The following MLPH variants were observed in gnomAD, a reference collection of about 807,000 sequenced individuals.
MLPH encodes the protein exophilin-3.
MLPH carries 51 observed loss-of-function variants against 72.1 expected under a neutral mutation model. That is an observed-to-expected ratio of 0.71 (90% CI 0.56 to 0.89). MLPH has a LOEUF of 0.89. Among genes scored for constraint, MLPH ranks in the 40% least tolerant of loss-of-function variants. The probability of loss-of-function intolerance (pLI) is 0.00; values close to 1 mark genes in which losing one functional copy is unlikely to be tolerated. For synonymous variants in MLPH, 301 were observed against 310.1 expected (o/e 0.97, Z 0.31); for missense variants, 743 against 759.9 (o/e 0.98, Z 0.26).
chr2:237,507,155 C>G (rs1303821298), intron 2 of MLPH: 1 of 150,004 alleles, frequency 6.7e-6, no homozygotes, highest in African/African-American at 2.5e-5. Context: ...CAACCTCCAC[C>G]TCCTAGGTTC....
At chr2:237,494,182 G>A (rs530612073) in intron 2 of MLPH, among the ~76,000 whole-genome samples, 2 of 152,160 alleles carry the variant, frequency 1.3e-5, no homozygotes, top group South Asian at 2.1e-4. Flanking sequence ...CCCGGCGAAG[G>A]GGGGGGCAGA....
Position 237,505,561 on chromosome 2 carries a change from G to C in MLPH, c.111-5013G>C, listed in dbSNP as rs1047974593. On this transcript the variant is annotated intron_variant, in intron 2 of 15. Coordinates refer to ENST00000264605, the MANE Select transcript of MLPH (RefSeq NM_024101.7). This position sits in a 1 kb window ranked among gnomAD's most constrained non-coding sequence, Gnocchi z 4.5. The stretch of plus-strand genomic sequence containing the variant: ...GCCTTCAGGGGTGGCCACCAGCCCC[G>C]CCATCCTGGGCTCTCCCCAGTATTC... Among the ~76,000 whole-genome samples the C allele has an allele frequency of 2.0e-5, 3 of 152,112 alleles. No homozygotes were observed. Among genetic ancestry groups the C allele is most frequent in the Non-Finnish European group, 4.4e-5 (3 of 68,016 alleles).
chr2:237,516,383 G>T (rs575762565), intron 4 of MLPH, among the ~76,000 whole-genome samples: 2 of 152,308 alleles, frequency 1.3e-5, no homozygotes, highest in East Asian at 3.9e-4. Context: ...AAGGAGCCCT[G>T]GGGGGCAGAG....
At chr2:237,508,879 C>A (rs928451731) in intron 2 of MLPH, among the ~76,000 whole-genome samples, 14 of 152,232 alleles carry the variant, frequency 9.2e-5, no homozygotes, top group African/African-American at 3.1e-4. Context: ...ATTCAGCACA[C>A]CAAGCTGACT....
chr2:237,539,913 C>T (rs1401854617), intron 9 of MLPH, among the ~76,000 whole-genome samples: 1 of 152,074 alleles, frequency 6.6e-6, no homozygotes, highest in African/African-American at 2.4e-5. Flanking sequence ...TTGGCCAGAG[C>T]GTGGGAAGAG....
At chr2:237,494,407 G>A (rs375846482) in intron 2 of MLPH, among the ~76,000 whole-genome samples, 1 of 152,150 alleles carries the variant, frequency 6.6e-6, no homozygotes. Flanking sequence ...AACAGGTGGG[G>A]GGCATGGGAT....
intron 2 of MLPH, among the ~76,000 whole-genome samples, chr2:237,494,492 G>A (rs2079495330): frequency 6.6e-6 from 1 of 152,182 alleles, no homozygotes; most frequent in Non-Finnish European, 1.5e-5. Flanking sequence ...AGACCTTCGA[G>A]CAGAGCAACA....
chr2:237,526,406 G>A lies in MLPH; in HGVS notation c.880+601G>A, dbSNP rs572098895. 8.3e-4 allele frequency among the ~76,000 whole-genome samples: 126 copies of A among 152,212 alleles called. 1 individual carries two copies. Among genetic ancestry groups the A allele is most frequent in the Non-Finnish European group, 1.3e-3 (88 of 68,020 alleles). On this transcript the variant is annotated intron_variant, in intron 7 of 15. Coordinates refer to ENST00000264605, the MANE Select transcript of MLPH (RefSeq NM_024101.7). ...TCCCCAAGCCACAGCAAGTGGCTGC[G>A]TGCGGGAAAGCTGTCTACTCTCCAG...
intron 2 of MLPH, among the ~76,000 whole-genome samples, chr2:237,504,247 G>A (rs543899186): frequency 6.6e-6 from 1 of 151,976 alleles, no homozygotes; most frequent in African/African-American, 2.4e-5. Context: ...GTGGAGTTTT[G>A]CTCTTACTGC....
Position 237,493,547 on chromosome 2 carries a change from C to A in MLPH, c.110+11C>A. ...AGAGGAACGGCTAGAGTGAGTGTGC[C>A]GTGCTGAGCCCACGGAGCCCGGGGT... On this transcript the variant is annotated intron_variant, in intron 2 of 15. Coordinates refer to ENST00000264605, the MANE Select transcript of MLPH (RefSeq NM_024101.7). 1 of 1,606,090 alleles carries A rather than the reference C, an allele frequency of 6.2e-7. No individual in the cohort carries two copies. The highest frequency in any genetic ancestry group is 1.1e-5 in the South Asian group (1 of 90,868).
chr2:237,528,871 G>T (rs1169449419), intron 8 of MLPH, among the ~76,000 whole-genome samples: 1 of 152,148 alleles, frequency 6.6e-6, no homozygotes, highest in Admixed American at 6.5e-5. Context: ...CTGGCCTTTT[G>T]TCACGAGCTC....
At chr2:237,551,598 C>T (rs1357837615) in intron 14 of MLPH, among the ~76,000 whole-genome samples, 3 of 152,240 alleles carry the variant, frequency 2.0e-5, no homozygotes, top group Non-Finnish European at 4.4e-5. Flanking sequence ...CAGATGCCCC[C>T]AGCTACACAG....
At position 237,535,011 on chromosome 2, in the gene MLPH, T is replaced by C. The variant is rs1274926361; in HGVS notation, c.1104+364T>C. Among the ~76,000 whole-genome samples, 4 of 152,230 alleles carry C rather than the reference T, an allele frequency of 2.6e-5. No homozygotes were observed. The East Asian group carries it at 5.8e-4, about 22-fold the overall frequency. ...CAGGGTGGAATCTCCTTCCGCACCA[T>C]GTTTGTGAATGTATCATCAGCACAG... On this transcript the variant is annotated intron_variant, in intron 9 of 15. Coordinates refer to ENST00000264605, the MANE Select transcript of MLPH (RefSeq NM_024101.7).
chr2:237,531,752 G>A (rs2080424341), intron 8 of MLPH, among the ~76,000 whole-genome samples: 1 of 152,054 alleles, frequency 6.6e-6, no homozygotes. Context: ...CTTGACAGTG[G>A]CCACCCAGAA....
chr2:237,519,774 G>A (rs550473852), intron 5 of MLPH, 136 bp from the exon 6 acceptor site: 3 of 1,250,352 alleles, frequency 2.4e-6, no homozygotes, highest in African/African-American at 1.5e-5. Context: ...CCTAGTGGAG[G>A]GGGTGGATGT....
At chr2:237,498,398 C>G (rs1254660662) in intron 2 of MLPH, among the ~76,000 whole-genome samples, 1 of 152,170 alleles carries the variant, frequency 6.6e-6, no homozygotes, top group Non-Finnish European at 1.5e-5. Context: ...TTTCCCACAG[C>G]GTCAGAACAA....
In MLPH at chr2:237,522,336, T is replaced by C. The variant is rs113812511; in HGVS notation, c.675+2307T>C. ...CTGGGGTTGGGCCTTCAAACACCTG[T>C]TACAACTATAGTGCTGGAGTGGAGC... On this transcript the variant is annotated intron_variant, in intron 6 of 15. Transcript: ENST00000264605. 6.6e-3 allele frequency among the ~76,000 whole-genome samples: 406 copies of C among 61,854 alleles called. 2 individuals are homozygous for C. The highest frequency in any genetic ancestry group is 7.9e-3 in the Non-Finnish European group (251 of 31,762). 40.6% of individuals were successfully genotyped at this position (61,854 alleles called of 152,430 possible). A position where few individuals can be genotyped will look rare whatever the true frequency, so the allele number is the denominator to read the frequency against.
chr2:237,525,298 CTG>C (rs1298127857), intron 6 of MLPH, among the ~76,000 whole-genome samples: 1 of 152,232 alleles, frequency 6.6e-6, no homozygotes, highest in Non-Finnish European at 1.5e-5. Flanking sequence ...GCCCCTGAGG[CTG>C]TGTCAGGAGA....
intron 4 of MLPH, among the ~76,000 whole-genome samples, chr2:237,515,137 A>G (rs2079986683): frequency 6.6e-6 from 1 of 152,214 alleles, no homozygotes. Context: ...AGAGCCTGAG[A>G]ACCCAGAGCT....
Sources: allele counts gnomAD v4.1 joint callset (sites outside exome capture counted in the v4.1 genomes callset), GRCh38; gene constraint gnomAD v4.1.1; non-coding constraint Gnocchi (gnomAD v3.1); transcripts MANE v1.5; gene names NCBI Gene and HGNC (gene_info 2026-07-23, HGNC 2026-07-21).